Variants in CELF4 observed in about 807,000 individuals in gnomAD.
CELF4 encodes the protein CUG-BP- and ETR-3-like factor 4.
Under a neutral mutation model 59.9 loss-of-function variants are expected in CELF4, and 18 were observed. That is an observed-to-expected ratio of 0.30 (90% CI 0.21 to 0.45). CELF4 has a LOEUF of 0.45. CELF4 is among the 20% of genes least tolerant of loss of function. The pLI is 1.00. For synonymous variants in CELF4, 261 were observed against 267.1 expected (o/e 0.98, Z 0.22); for missense variants, 456 against 689.0 (o/e 0.66, Z 3.79).
intron 10 of CELF4, among the ~76,000 whole-genome samples, chr18:37,263,115 G>T (rs2075729915): frequency 6.6e-6 from 1 of 152,252 alleles, no homozygotes; most frequent in Non-Finnish European, 1.5e-5. Flanking sequence ...GACTCAGCCG[G>T]CTTGGTCCTC....
chr18:37,542,489 C>T (rs529236373), intron 1 of CELF4, among the ~76,000 whole-genome samples: 1 of 152,334 alleles, frequency 6.6e-6, no homozygotes, highest in Non-Finnish European at 1.5e-5. Flanking sequence ...GCGTACGACT[C>T]ATGGGAGCAT....
At chr18:37,524,131 TC>T (rs1464207549) in intron 1 of CELF4, among the ~76,000 whole-genome samples, 2 of 152,216 alleles carry the variant, frequency 1.3e-5, no homozygotes, top group Admixed American at 6.5e-5. Context: ...CAGCGAGACC[TC>T]CATAAATGTT....
intron 2 of CELF4, among the ~76,000 whole-genome samples, chr18:37,404,719 G>A (rs1279386622): frequency 6.6e-6 from 1 of 152,184 alleles, no homozygotes; most frequent in Non-Finnish European, 1.5e-5. Flanking sequence ...GATGGAGAGT[G>A]TACACCTTGT....
intron 1 of CELF4, among the ~76,000 whole-genome samples, chr18:37,517,038 T>G (rs1603643196): frequency 6.6e-6 from 1 of 152,296 alleles, no homozygotes; most frequent in South Asian, 2.1e-4. Flanking sequence ...TATGTGCACA[T>G]GCACATGCAT....
intron 1 of CELF4, among the ~76,000 whole-genome samples, chr18:37,499,021 G>A (rs943307530): frequency 6.6e-6 from 1 of 152,226 alleles, no homozygotes; most frequent in South Asian, 2.1e-4. Flanking sequence ...GTGAAAAATG[G>A]CTTTGGCCTT....
intron 2 of CELF4, among the ~76,000 whole-genome samples, chr18:37,408,191 T>G (rs1427974307): frequency 6.6e-6 from 1 of 152,150 alleles, no homozygotes; most frequent in Non-Finnish European, 1.5e-5. Context: ...CTTAGACTGA[T>G]GGGCTGGGGA....
At chr18:37,536,427 C>A (rs2099973539) in intron 1 of CELF4, among the ~76,000 whole-genome samples, 1 of 152,170 alleles carries the variant, frequency 6.6e-6, no homozygotes, top group Non-Finnish European at 1.5e-5. Context: ...CTCCCCCACT[C>A]CCTCCTAAAA....
At chr18:37,499,026 G>T (rs1259356441) in intron 1 of CELF4, among the ~76,000 whole-genome samples, 1 of 152,186 alleles carries the variant, frequency 6.6e-6, no homozygotes, top group Non-Finnish European at 1.5e-5. Context: ...AAATGGCTTT[G>T]GCCTTTGTAC....
intron 2 of CELF4, among the ~76,000 whole-genome samples, chr18:37,428,070 C>T (rs946222805): frequency 2.0e-5 from 3 of 152,242 alleles, no homozygotes; most frequent in Admixed American, 6.5e-5. Flanking sequence ...GTTCTGGGAG[C>T]AGCAGCTACC....
rs568767864 is a variant in CELF4, at chr18:37,306,827, C to T, written c.448+14976G>A. Among the ~76,000 whole-genome samples the T allele has an allele frequency of 2.0e-5, 3 of 152,316 alleles. No individual in the cohort carries two copies. The East Asian group carries it at 5.8e-4, about 29-fold the overall frequency. ...TAAGGAGAGGAGAATGGGGAGGGCCCTCTGTCCCCAACACGGCTCTGACCT... is the reference window on the plus strand; with the variant it reads ...TAAGGAGAGGAGAATGGGGAGGGCCTTCTGTCCCCAACACGGCTCTGACCT... On this transcript the variant is annotated intron_variant, in intron 3 of 12. Coordinates refer to ENST00000420428, the MANE Select transcript of CELF4 (RefSeq NM_020180.4).
intron 2 of CELF4, among the ~76,000 whole-genome samples, chr18:37,455,629 G>A (rs1342341945): frequency 6.6e-6 from 1 of 152,234 alleles, no homozygotes; most frequent in Non-Finnish European, 1.5e-5. Context: ...CAGAATGTGA[G>A]CATGGGCAGT....
chr18:37,277,267 C>T (rs940404827), intron 3 of CELF4, among the ~76,000 whole-genome samples: 1 of 152,218 alleles, frequency 6.6e-6, no homozygotes, highest in African/African-American at 2.4e-5. Flanking sequence ...CGTCAAAAAA[C>T]ACCAGCTGGC....
intron 7 of CELF4, among the ~76,000 whole-genome samples, chr18:37,272,802 C>G (rs187063557): frequency 2.2e-4 from 33 of 152,316 alleles, no homozygotes; most frequent in African/African-American, 7.7e-4. Flanking sequence ...TGAAATCACA[C>G]GGTAGACTGC....
chr18:37,350,719 G>A (rs1287603186), intron 2 of CELF4, among the ~76,000 whole-genome samples: 2 of 152,216 alleles, frequency 1.3e-5, no homozygotes, highest in Non-Finnish European at 2.9e-5. Flanking sequence ...CCTCGCAAGG[G>A]TCCCTTTATC....
intron 2 of CELF4, among the ~76,000 whole-genome samples, chr18:37,353,177 C>T (rs547228871): frequency 5.5e-5 from 8 of 145,274 alleles, no homozygotes; most frequent in African/African-American, 1.8e-4. Flanking sequence ...GCCGAGATTG[C>T]GCCACTGCAC....
intron 2 of CELF4, among the ~76,000 whole-genome samples, chr18:37,344,569 C>T (rs8092258): frequency 3.3e-5 from 5 of 152,182 alleles, no homozygotes; most frequent in Non-Finnish European, 7.4e-5. Context: ...TGGTCTTTGC[C>T]GAGGTGAGGA....
chr18:37,322,679 C>A (rs1603467830), intron 2 of CELF4, among the ~76,000 whole-genome samples: 3 of 152,192 alleles, frequency 2.0e-5, no homozygotes, highest in African/African-American at 7.2e-5. Flanking sequence ...CCGGGAGGCA[C>A]CAGGGTGGGC....
Position 37,565,659 on chromosome 18 carries a change from CTTTTA to C in CELF4, c.-23_-19del, listed in dbSNP as rs1480968449. Reference sequence around the variant, plus strand: ...ATATACATAGAGAAAATCTTCTTTCCTTTTATTCTTTCTCGCTCACACTCTCTCGC... The same window carrying C: ...ATATACATAGAGAAAATCTTCTTTCCTTCTTTCTCGCTCACACTCTCTCGC... On this transcript the variant is annotated 5_prime_UTR_variant, in exon 1 of 13. Transcript: ENST00000420428. The C allele has an allele frequency of 4.5e-6, 7 of 1,558,906 alleles. No individual in the cohort carries two copies. The highest frequency in any genetic ancestry group is 1.9e-5 in the Admixed American group (1 of 52,722).
chr18:37,414,503 C>CTTTT lies in CELF4; in HGVS notation c.369+71018_369+71021dup, dbSNP rs55943928. Among the ~76,000 whole-genome samples the CTTTT allele has an allele frequency of 5.8e-3, 677 of 116,038 alleles. 16 individuals carry two copies. Among genetic ancestry groups the CTTTT allele is most frequent in the South Asian group, 9.3e-3 (33 of 3,552 alleles). The allele number at this position is 116,038 out of a possible 152,430, so 76.1% of individuals were successfully genotyped here. On this transcript the variant is annotated intron_variant, in intron 2 of 12. Transcript: ENST00000420428. ...CTACTCATTTTTTTTCTTTTCTTTT[C>CTTTT]TTTTTTTTTTTTTTTTGAGACGGAG... is the stretch of plus-strand genomic sequence containing the variant.
Sources: allele counts gnomAD v4.1 joint callset (sites outside exome capture counted in the v4.1 genomes callset), GRCh38; gene constraint gnomAD v4.1.1; transcripts MANE v1.5; gene names NCBI Gene and HGNC (gene_info 2026-07-23, HGNC 2026-07-21).